NSMAF: variants seen among roughly 807,000 people sequenced by gnomAD.
NSMAF encodes the protein protein FAN.
NSMAF carries 90 observed loss-of-function variants against 134.9 expected under a neutral mutation model. That is an observed-to-expected ratio of 0.67 (90% CI 0.56 to 0.79). The LOEUF (loss-of-function observed/expected upper bound fraction) is 0.79, where lower values mean the gene tolerates loss of function less well. Among genes scored for constraint, NSMAF ranks in the 30% least tolerant of loss-of-function variants. The pLI is 0.00. For missense variants in NSMAF, 1,010 were observed against 1,119.0 expected, an observed-to-expected ratio of 0.90 and a Z score of 1.39; for synonymous variants, 358 against 389.6, an observed-to-expected ratio of 0.92 and a Z score of 0.96.
chr8:58,590,148 A>G (rs374722660), intron 24 of NSMAF, 74 bp from the exon 25 acceptor site: 7 of 1,314,180 alleles, frequency 5.3e-6, no homozygotes, highest in Non-Finnish European at 7.6e-6. Context: ...GCTATCTTAT[A>G]CATTTCCGAA....
At position 58,603,391 on chromosome 8, in the gene NSMAF, G is replaced by A. The variant is rs1377224588; in HGVS notation, c.869-5C>T. ...TGTGCTCCGCCACATGGTGCTCTGGGGGAAGAGGACCCACGAGGTCTGCCA... is the reference window on the plus strand; with the variant it reads ...TGTGCTCCGCCACATGGTGCTCTGGAGGAAGAGGACCCACGAGGTCTGCCA... On this transcript the variant is annotated splice_region_variant and splice_polypyrimidine_tract_variant and intron_variant, in intron 12 of 30. Coordinates refer to ENST00000038176, the MANE Select transcript of NSMAF (RefSeq NM_003580.4). The A allele has an allele frequency of 8.7e-6, 14 of 1,613,098 alleles. No homozygotes were observed. In the African/African-American group the frequency reaches 1.9e-4, roughly 22 times the overall value.
At chr8:58,588,243 T>C (rs1805936030) in intron 26 of NSMAF, among the ~76,000 whole-genome samples, 3 of 152,016 alleles carry the variant, frequency 2.0e-5, no homozygotes, top group Non-Finnish European at 4.4e-5. Flanking sequence ...TATTCCTACA[T>C]CGAAAGAATG....
chr8:58,616,891 A>T (rs1323150795), intron 9 of NSMAF, among the ~76,000 whole-genome samples: 1 of 152,242 alleles, frequency 6.6e-6, no homozygotes, highest in Non-Finnish European at 1.5e-5. Context: ...ATAGTATACA[A>T]GGCCAATTAA....
intron 13 of NSMAF, 51 bp from the exon 14 acceptor site, chr8:58,602,188 C>A (rs1806300572): frequency 1.4e-6 from 2 of 1,400,542 alleles, no homozygotes; most frequent in African/African-American, 2.9e-5. Context: ...GTACCATTAA[C>A]CTCCTGAATT....
Position 58,599,300 on chromosome 8 carries a change from A to G in NSMAF, c.1517T>C (p.Leu506Pro), listed in dbSNP as rs779698832. Residue 506 changes from leucine (L) to proline (P), a missense_variant, in exon 19 of 31, where the codon CTT becomes CCT. Coordinates refer to ENST00000038176, the MANE Select transcript of NSMAF (RefSeq NM_003580.4). ...ALESNYVSEH[L>P]HEWIDLIFGY... ...AAATATTAGATCAATCCACTCGTGAAGGTGTTCAGACACATAATTGCTTTC... is the reference window on the plus strand; with the variant it reads ...AAATATTAGATCAATCCACTCGTGAGGGTGTTCAGACACATAATTGCTTTC... 8.7e-6 allele frequency: 14 copies of G among 1,614,056 alleles called. No individual in the cohort carries two copies. The highest frequency in any genetic ancestry group is 1.2e-5 in the Non-Finnish European group (14 of 1,179,916).
rs1269295053 is a variant in NSMAF at position 58,584,129 on chromosome 8, T to C, written c.2731A>G (p.Ile911Val). 1 of 1,613,208 alleles carries C rather than the reference T, an allele frequency of 6.2e-7. No homozygotes were observed. The highest frequency in any genetic ancestry group is 1.1e-5 in the South Asian group (1 of 91,068). Residue 911 changes from isoleucine (I) to valine (V), a missense_variant, in exon 31 of 31, where the codon ATA becomes GTA. Ile to Val is a conservative substitution (Grantham distance 29, BLOSUM62 3). Coordinates refer to ENST00000038176, the MANE Select transcript of NSMAF (RefSeq NM_003580.4). Reference protein sequence around the residue: ...IITGGEDRQIIFWKLQY With the variant: ...IITGGEDRQIVFWKLQY ...ACTTAATACTGCAATTTCCAGAATA[T>C]AATTTGTCTGTCTTCCCCTCCTGTG...
At chr8:58,653,927 G>A (rs1807642593) in intron 1 of NSMAF, among the ~76,000 whole-genome samples, 1 of 152,124 alleles carries the variant, frequency 6.6e-6, no homozygotes, top group Admixed American at 6.5e-5. Flanking sequence ...GAGATAAAAG[G>A]AAAGTAAGTG....
In NSMAF at chr8:58,642,997, T is replaced by C. The variant is rs1269290578; in HGVS notation, c.136A>G (p.Ser46Gly). 2 of 1,612,832 alleles carry C rather than the reference T, an allele frequency of 1.2e-6. No individual in the cohort carries two copies. The highest frequency in any genetic ancestry group is 1.3e-5 in the African/African-American group (1 of 75,034). The change falls in exon 2 of 31, where the codon AGT becomes GGT. Residue 46 changes from serine (S) to glycine (G), a missense_variant. By Grantham distance (56) the Ser-to-Gly change is moderately conservative (BLOSUM62 0). Coordinates refer to ENST00000038176, the MANE Select transcript of NSMAF (RefSeq NM_003580.4). ...HRANHILHKGSHHERKIRGSL... is the reference protein window; with the variant it reads ...HRANHILHKGGHHERKIRGSL... ...AAGCTTCCTTACCTTTCATGGTGAC[T>C]GCCCTTGTGCAAAATGTGATTGGCT...
At chr8:58,648,217 T>C (rs901365497) in intron 1 of NSMAF, among the ~76,000 whole-genome samples, 5 of 152,096 alleles carry the variant, frequency 3.3e-5, no homozygotes, top group Admixed American at 2.6e-4. Flanking sequence ...AGGACTTAGG[T>C]AGGGTATGTG....
intron 26 of NSMAF, chr8:58,588,638 T>G: frequency 6.6e-7 from 1 of 1,519,604 alleles, no homozygotes; most frequent in Non-Finnish European, 9.0e-7. Flanking sequence ...TCCACTATGT[T>G]TCGAATGACG....
intron 1 of NSMAF, among the ~76,000 whole-genome samples, chr8:58,645,251 T>C (rs769497566): frequency 2.1e-5 from 3 of 145,808 alleles, no homozygotes; most frequent in African/African-American, 7.4e-5. Context: ...CACTCTGGCA[T>C]GTGGTTTTTC....
chr8:58,615,328 C>A (rs973894455), intron 9 of NSMAF, among the ~76,000 whole-genome samples: 1 of 152,110 alleles, frequency 6.6e-6, no homozygotes, highest in Non-Finnish European at 1.5e-5. Context: ...GACCATCAAC[C>A]AGTTGGACCC....
At chr8:58,631,885 G>A (rs1275863030) in intron 5 of NSMAF, among the ~76,000 whole-genome samples, 3 of 152,060 alleles carry the variant, frequency 2.0e-5, no homozygotes, top group Admixed American at 6.6e-5. Flanking sequence ...TTTAAGAAAC[G>A]GGTAAAACAA....
At chr8:58,596,711 C>T (rs1376481669) in intron 21 of NSMAF, among the ~76,000 whole-genome samples, 3 of 152,052 alleles carry the variant, frequency 2.0e-5, no homozygotes, top group Admixed American at 6.6e-5. Context: ...GGGTGGATCA[C>T]GAGGTCAGGA....
Position 58,589,546 on chromosome 8 carries a change from C to T in NSMAF, c.2117G>A (p.Arg706His), listed in dbSNP as rs996993090. 8.3e-6 allele frequency: 13 copies of T among 1,569,750 alleles called. No homozygotes were observed. The highest frequency in any genetic ancestry group is 4.2e-5 in the African/African-American group (3 of 71,546). The change falls in exon 26 of 31, where the codon CGC becomes CAC. Residue 706 changes from arginine (R) to histidine (H), a missense_variant. By Grantham distance (29) the Arg-to-His change is conservative. Coordinates refer to ENST00000038176, the MANE Select transcript of NSMAF (RefSeq NM_003580.4). ...VYFYSIAFGR[R>H]QDTLMGHDDA... ...ATCATGTCCCATTAACGTGTCCTGG[C>T]GTCTTCCAAATGCTATGGAATAAAA...
intron 2 of NSMAF, among the ~76,000 whole-genome samples, chr8:58,635,858 A>G (rs1459456489): frequency 6.6e-6 from 1 of 152,214 alleles, no homozygotes; most frequent in African/African-American, 2.4e-5. Context: ...TCACACTGAG[A>G]AATAGTCTTA....
In NSMAF at chr8:58,623,728, A is replaced by G. The variant is rs1471315754; in HGVS notation, c.437T>C (p.Val146Ala). Residue 146 changes from valine to alanine, a missense_variant, in exon 7 of 31, where the codon GTT becomes GCT. Val to Ala is a moderately conservative substitution (Grantham distance 64). Transcript: ENST00000038176. ...ELDVPGKVED[V>A]VETLLQLHRA... ...GCTTACCTGAAGCAACGTCTCCACA[A>G]CATCTTCCACTTTCCCGGGAACATC... 6.2e-7 allele frequency: 1 copy of G among 1,613,966 alleles called. No individual in the cohort carries two copies. Among genetic ancestry groups the G allele is most frequent in the Non-Finnish European group, 8.5e-7 (1 of 1,179,962 alleles).
At chr8:58,608,870 G>C (rs1339772965) in intron 10 of NSMAF, among the ~76,000 whole-genome samples, 4 of 152,174 alleles carry the variant, frequency 2.6e-5, no homozygotes, top group Admixed American at 6.5e-5. Context: ...CAGAATTCTT[G>C]GGCCCTGCCA....
In NSMAF at chr8:58,590,069, T is replaced by G; in HGVS notation, c.2025A>C (p.Leu675Phe). Residue 675 changes from leucine (L) to phenylalanine (F), a missense_variant, in exon 25 of 31, where the codon TTA becomes TTC. Physicochemically the swap from Leu to Phe is conservative, Grantham distance 22. Coordinates refer to ENST00000038176, the MANE Select transcript of NSMAF (RefSeq NM_003580.4). ...QRSISFSNMA[L>F]SSCLLLPGDA... ...CTCCTGGTAAAAGTAAACAAGACGA[T>G]AAAGCCTGAAATACAAATGATTTGA... 6.2e-7 allele frequency: 1 copy of G among 1,612,944 alleles called. No individual in the cohort carries two copies. Among genetic ancestry groups the G allele is most frequent in the South Asian group, 1.1e-5 (1 of 91,052 alleles).
Sources: gnomAD v4.1 joint callset for allele counts (sites outside exome capture counted in the v4.1 genomes callset) on GRCh38, gnomAD v4.1.1 for gene constraint, MANE v1.5 for transcripts, NCBI Gene and HGNC (gene_info 2026-07-23, HGNC 2026-07-21) for gene names.